UBN2: variants seen among roughly 807,000 people sequenced by gnomAD.
UBN2 encodes ubinuclein-2.
A neutral mutation model predicts 120.2 loss-of-function variants in UBN2; 35 were observed. The observed-to-expected ratio is 0.29, with a 90% CI of 0.22 to 0.39. The LOEUF (loss-of-function observed/expected upper bound fraction) is 0.39, where lower values mean the gene tolerates loss of function less well. Among genes scored for constraint, UBN2 ranks in the 10% least tolerant of loss-of-function variants. The pLI is 1.00. For missense variants in UBN2, 1,693 were observed against 1,663.2 expected (o/e 1.02, Z -0.31); for synonymous variants, 661 against 648.7 (o/e 1.02, Z -0.29).
chr7:139,235,770 T>A (rs956785233), intron 1 of UBN2, among the ~76,000 whole-genome samples: 5 of 152,230 alleles, frequency 3.3e-5, no homozygotes, highest in Non-Finnish European at 7.3e-5. Flanking sequence ...ACAATAATTT[T>A]AAAAATTGAT....
chr7:139,320,140 T>C, the UBN2 span, among the ~76,000 whole-genome samples: 1 of 151,532 alleles, frequency 6.6e-6, no homozygotes, highest in Non-Finnish European at 1.5e-5. Flanking sequence ...GAGATTTCTC[T>C]GCACATCTAA....
intron 16 of UBN2, 200 bp downstream of exon 16, chr7:139,293,663 A>AT (rs1798028846): frequency 9.3e-6 from 6 of 642,512 alleles, no homozygotes; most frequent in Non-Finnish European, 1.3e-5. Context: ...TAAGCTATCT[A>AT]TACCACATTT....
chr7:139,305,359 G>T lies in UBN2; in HGVS notation c.*7523G>T, dbSNP rs542217386. ...CACTCACTCTGGCAACCTATCCTGT[G>T]TCCCCATAGAACTGAGAAGTAAAGC... is the stretch of plus-strand genomic sequence containing the variant. On this transcript the variant is annotated 3_prime_UTR_variant, in exon 18 of 18. Transcript: ENST00000473989. 1 of 152,162 alleles carries T rather than the reference G, an allele frequency of 6.6e-6. No individual in the cohort carries two copies. The highest frequency in any genetic ancestry group is 6.5e-5 in the Admixed American group (1 of 15,272). 9.4% of individuals were successfully genotyped at this position (152,162 alleles called of 1,614,324 possible).
rs1014481702 is a variant in UBN2, at chr7:139,300,459, G to A, written c.*2623G>A. ...TACTTTATGGTCACCTGTCTTTACCGTTTTTATTACTAAAAACAAACATAT... is the reference window on the plus strand; with the variant it reads ...TACTTTATGGTCACCTGTCTTTACCATTTTTATTACTAAAAACAAACATAT... On this transcript the variant is annotated 3_prime_UTR_variant, in exon 18 of 18. Transcript: ENST00000473989. The A allele has an allele frequency of 2.6e-5, 4 of 152,026 alleles. No homozygotes were observed. The highest frequency in any genetic ancestry group is 1.9e-4 in the East Asian group (1 of 5,200). The allele number at this position is 152,026 out of a possible 1,614,324, so 9.4% of individuals were successfully genotyped here.
chr7:139,294,709 C>T (rs1407574518), intron 17 of UBN2, among the ~76,000 whole-genome samples: 1 of 152,114 alleles, frequency 6.6e-6, no homozygotes, highest in Non-Finnish European at 1.5e-5. Flanking sequence ...GGCCTGATGG[C>T]GCATGCCTGT....
intron 3 of UBN2, among the ~76,000 whole-genome samples, chr7:139,255,764 C>T (rs921959046): frequency 1.1e-4 from 16 of 151,656 alleles, no homozygotes; most frequent in African/African-American, 3.4e-4. Context: ...GAATCATGCA[C>T]GAATTACTAA....
intron 2 of UBN2, 128 bp downstream of exon 2, chr7:139,237,225 T>C: frequency 2.0e-6 from 1 of 509,558 alleles, no homozygotes; most frequent in Non-Finnish European, 3.6e-6. Context: ...GGAAACCAAA[T>C]GAATGGTTAG....
intron 8 of UBN2, 83 bp downstream of exon 8, chr7:139,269,606 T>G (rs952025953): frequency 7.0e-7 from 1 of 1,424,232 alleles, no homozygotes; most frequent in African/African-American, 1.4e-5. Flanking sequence ...CTTTGCACAT[T>G]AATTGATTTA....
intron 5 of UBN2, 113 bp from the exon 6 acceptor site, chr7:139,261,139 A>G (rs1359918810): frequency 7.1e-6 from 9 of 1,276,300 alleles, no homozygotes; most frequent in Non-Finnish European, 9.6e-6. Flanking sequence ...GAAATTAAGA[A>G]AACTGCTCTG....
At chr7:139,322,727 T>C in the UBN2 span, among the ~76,000 whole-genome samples, 1 of 147,452 alleles carries the variant, frequency 6.8e-6, no homozygotes, top group Non-Finnish European at 1.5e-5. Flanking sequence ...AGAGACGGGG[T>C]GTCACCATGT....
chr7:139,254,044 A>G (rs1336697428), intron 3 of UBN2, among the ~76,000 whole-genome samples: 1 of 152,184 alleles, frequency 6.6e-6, no homozygotes, highest in Admixed American at 6.5e-5. Flanking sequence ...CTGTAATCCC[A>G]GCACTTTGGG....
At chr7:139,258,787 T>G (rs1247834720) in intron 4 of UBN2, among the ~76,000 whole-genome samples, 162 bp downstream of exon 4, 2 of 152,258 alleles carry the variant, frequency 1.3e-5, no homozygotes, top group African/African-American at 2.4e-5. Flanking sequence ...ATGTAGATAT[T>G]GGAAAATTGG....
intron 6 of UBN2, among the ~76,000 whole-genome samples, chr7:139,263,227 A>T (rs991138950): frequency 6.6e-6 from 1 of 152,230 alleles, no homozygotes; most frequent in South Asian, 2.1e-4. Flanking sequence ...AAGACAAATT[A>T]TATGTATATA....
At position 139,252,867 on chromosome 7, in the gene UBN2, A is replaced by T. The variant is rs1584996091; in HGVS notation, c.663+810A>T. Among the ~76,000 whole-genome samples, 3 of 152,346 alleles carry T rather than the reference A, an allele frequency of 2.0e-5. No homozygotes were observed. The South Asian group carries it at 6.2e-4, about 32-fold the overall frequency. ...GTTCTCAATCAAGGGTGAGAATATT[A>T]GTACACTTGTCTTAACTCAGACTTA... On this transcript the variant is annotated intron_variant, in intron 3 of 17. Transcript: ENST00000473989.
intron 2 of UBN2, among the ~76,000 whole-genome samples, chr7:139,241,546 G>C (rs1018734000): frequency 6.6e-6 from 1 of 152,188 alleles, no homozygotes; most frequent in Non-Finnish European, 1.5e-5. Flanking sequence ...CTTTTAAAAA[G>C]AAGGGTAAGG....
rs1798299880 is a variant in UBN2 at position 139,303,145 on chromosome 7, T to C, written c.*5309T>C. 2.6e-5 allele frequency: 4 copies of C among 152,246 alleles called. No individual in the cohort carries two copies. The highest frequency in any genetic ancestry group is 2.6e-4 in the Admixed American group (4 of 15,280). The allele number at this position is 152,246 out of a possible 1,614,324, so 9.4% of individuals were successfully genotyped here. On this transcript the variant is annotated 3_prime_UTR_variant, in exon 18 of 18. Transcript: ENST00000473989. ...TCAGAAGTAGAAAGACTTCAGATGC[T>C]GAGGAAAACATATAATCTATAGCAT...
chr7:139,268,977 C>A (rs761742655), intron 7 of UBN2, among the ~76,000 whole-genome samples: 1 of 152,120 alleles, frequency 6.6e-6, no homozygotes. Flanking sequence ...AAGGCCAAGG[C>A]GGGTGGATCA....
intron 2 of UBN2, among the ~76,000 whole-genome samples, chr7:139,242,428 T>G (rs1796345847): frequency 6.6e-6 from 1 of 152,220 alleles, no homozygotes; most frequent in South Asian, 2.1e-4. Flanking sequence ...GGCAAACTTG[T>G]TGACACCACC....
rs768144353 is a variant in UBN2 at position 139,259,286 on chromosome 7, ATGATAT to A, written c.825_830del (p.Asp275_Ile276del). 9.3e-6 allele frequency: 15 copies of A among 1,613,580 alleles called. No individual in the cohort carries two copies. Among genetic ancestry groups the A allele is most frequent in the South Asian group, 6.6e-5 (6 of 90,980 alleles). The stretch of plus-strand genomic sequence containing the variant: ...TTGCAGGTCCCCAAAATAAAAGAAG[ATGATAT>A]TGAGATGAAGAAGCGGAAGCGGAAA... On this transcript the variant is annotated inframe_deletion, in exon 5 of 18. Coordinates refer to ENST00000473989, the MANE Select transcript of UBN2 (RefSeq NM_173569.4).
Sources: gnomAD v4.1 joint callset for allele counts (sites outside exome capture counted in the v4.1 genomes callset) on GRCh38, gnomAD v4.1.1 for gene constraint, MANE v1.5 for transcripts, NCBI Gene and HGNC (gene_info 2026-07-23, HGNC 2026-07-21) for gene names.